NEXMIF: variants seen among roughly 807,000 people sequenced by gnomAD.
NEXMIF encodes XLMR protein related to neurite extension.
Under a neutral mutation model 62.1 loss-of-function variants are expected in NEXMIF, and 8 were observed. That is an observed-to-expected ratio of 0.13 (90% CI 0.08 to 0.23). The LOEUF (loss-of-function observed/expected upper bound fraction) is 0.23, where lower values mean the gene tolerates loss of function less well. NEXMIF is among the 10% of genes least tolerant of loss of function. The pLI, the probability that NEXMIF is intolerant of heterozygous loss-of-function variation, is 1.00. For synonymous variants in NEXMIF, 404 were observed against 416.6 expected, an observed-to-expected ratio of 0.97 and a Z score of 0.37; for missense variants, 976 against 1,113.3, an observed-to-expected ratio of 0.88 and a Z score of 1.75.
chrX:74,778,698 C>A (rs1012500928), intron 1 of NEXMIF, among the ~76,000 whole-genome samples: 1 of 111,884 alleles, frequency 8.9e-6, no homozygotes, highest in Admixed American at 9.5e-5. Context: ...TTTTGTCTCA[C>A]TTTTACCTTA....
intron 1 of NEXMIF, among the ~76,000 whole-genome samples, chrX:74,874,424 C>G (rs1157879453): frequency 9.1e-6 from 1 of 109,692 alleles, no homozygotes; most frequent in East Asian, 2.9e-4. Flanking sequence ...AGTCAGGTAG[C>G]GTGATGCCTC....
At chrX:74,870,014 T>C (rs2080594668) in intron 1 of NEXMIF, among the ~76,000 whole-genome samples, 1 of 111,453 alleles carries the variant, frequency 9.0e-6, no homozygotes, top group Non-Finnish European at 1.9e-5. Flanking sequence ...TAGCCAAAGC[T>C]ATCCTGAGCA....
intron 1 of NEXMIF, among the ~76,000 whole-genome samples, chrX:74,897,396 C>T (rs1235243383): frequency 8.9e-6 from 1 of 111,912 alleles, no homozygotes; most frequent in Non-Finnish European, 1.9e-5. Flanking sequence ...CATATTTCTC[C>T]TCTAATTTCT....
intron 1 of NEXMIF, among the ~76,000 whole-genome samples, chrX:74,817,236 A>C (rs1171534221): frequency 2.7e-5 from 3 of 111,827 alleles, no homozygotes; most frequent in Non-Finnish European, 5.6e-5. Context: ...ATTGGTCTTT[A>C]GCTACTTCAA....
chrX:74,823,626 T>C (rs1001444741), intron 1 of NEXMIF, among the ~76,000 whole-genome samples: 2 of 110,310 alleles, frequency 1.8e-5, no homozygotes, highest in African/African-American at 3.3e-5. Context: ...GGGGACACTA[T>C]GTATTTGTTC....
At chrX:74,846,088 T>C (rs1017990419) in intron 1 of NEXMIF, among the ~76,000 whole-genome samples, 1 of 112,949 alleles carries the variant, frequency 8.9e-6, no homozygotes, top group African/African-American at 3.2e-5. Context: ...CTAAAGGCTC[T>C]ACTTTGTCAG....
At chrX:74,813,751 T>C in intron 1 of NEXMIF, among the ~76,000 whole-genome samples, 1 of 112,282 alleles carries the variant, frequency 8.9e-6, no homozygotes, top group Non-Finnish European at 1.9e-5. Context: ...GTATCACCAA[T>C]ACTCAGTGGT....
intron 1 of NEXMIF, among the ~76,000 whole-genome samples, chrX:74,906,274 T>C (rs1346160160): frequency 1.0e-5 from 1 of 96,227 alleles, no homozygotes; most frequent in East Asian, 3.1e-4. Flanking sequence ...CCCCATCTCT[T>C]AAAAAAAAAA....
chrX:74,805,879 T>G (rs1033683986), intron 1 of NEXMIF, among the ~76,000 whole-genome samples: 4 of 112,104 alleles, frequency 3.6e-5, no homozygotes, highest in Non-Finnish European at 5.6e-5. Context: ...ATCAGTACCA[T>G]GCTATTTTGG....
chrX:74,907,521 T>C (rs1489636731), intron 1 of NEXMIF, among the ~76,000 whole-genome samples: 5 of 110,580 alleles, frequency 4.5e-5, no homozygotes, highest in Non-Finnish European at 9.5e-5. Flanking sequence ...CCATAGAAAC[T>C]GTTACTGTGG....
chrX:74,735,800 T>C lies in NEXMIF; in HGVS notation c.*3605A>G, dbSNP rs1258875475. The C allele has an allele frequency of 8.9e-6, 1 of 111,759 alleles. No homozygotes were observed. The highest frequency in any genetic ancestry group is 1.9e-5 in the Non-Finnish European group (1 of 53,081). The allele number at this position is 111,759 out of a possible 1,213,427, so 9.2% of individuals were successfully genotyped here. A position where few individuals can be genotyped will look rare whatever the true frequency, so the allele number is the denominator to read the frequency against. On this transcript the variant is annotated 3_prime_UTR_variant, in exon 4 of 4. Coordinates refer to ENST00000055682, the MANE Select transcript of NEXMIF (RefSeq NM_001008537.3). The stretch of plus-strand genomic sequence containing the variant: ...GGGAAAGCTGGGAGGAAGCAGCATA[T>C]GTGAAGAAGCTGGTATAAGAGACCT...
intron 1 of NEXMIF, among the ~76,000 whole-genome samples, chrX:74,831,683 A>G (rs1477890337): frequency 9.0e-6 from 1 of 111,491 alleles, no homozygotes; most frequent in East Asian, 2.8e-4. Context: ...TAGCAGCATG[A>G]TTTATAATCC....
At chrX:74,868,706 G>A (rs2080589445) in intron 1 of NEXMIF, among the ~76,000 whole-genome samples, 1 of 110,350 alleles carries the variant, frequency 9.1e-6, no homozygotes, top group Admixed American at 9.8e-5. Flanking sequence ...GTTGATAGGT[G>A]CAGCAAACCA....
rs1475720786 is a variant in NEXMIF, at chrX:74,738,976, T to A, written c.*429A>T. The A allele has an allele frequency of 8.9e-6, 1 of 112,222 alleles. No individual in the cohort carries two copies. Among genetic ancestry groups the A allele is most frequent in the African/African-American group, 3.3e-5 (1 of 30,220 alleles). The allele number at this position is 112,222 out of a possible 1,213,427, so 9.2% of individuals were successfully genotyped here. A position where few individuals can be genotyped will look rare whatever the true frequency, so the allele number is the denominator to read the frequency against. On this transcript the variant is annotated 3_prime_UTR_variant, in exon 4 of 4. Transcript: ENST00000055682. ...GAATCTGTGAGATGAGGTAAGAAAA[T>A]TTGGCACATTTCAAACAGTATCCTT...
Position 74,737,475 on chromosome X carries a change from G to A in NEXMIF, c.*1930C>T, listed in dbSNP as rs989788310. 1.8e-5 allele frequency: 2 copies of A among 111,032 alleles called. No homozygotes were observed. Among genetic ancestry groups the A allele is most frequent in the African/African-American group, 6.6e-5 (2 of 30,417 alleles). The allele number at this position is 111,032 out of a possible 1,213,427, so 9.2% of individuals were successfully genotyped here. On this transcript the variant is annotated 3_prime_UTR_variant, in exon 4 of 4. Transcript: ENST00000055682. ...AACAGAGCATTAAAGCCTAGGAATG[G>A]GCCTGTACCAGCCTCACAGAATGCT...
intron 1 of NEXMIF, among the ~76,000 whole-genome samples, chrX:74,835,271 G>A (rs1464656047): frequency 8.9e-6 from 1 of 111,956 alleles, no homozygotes; most frequent in Non-Finnish European, 1.9e-5. Context: ...TGTCTGAAAG[G>A]TCACATATCG....
In NEXMIF at chrX:74,743,281, G is replaced by C. The variant is rs1400184985; in HGVS notation, c.1276C>G (p.Gln426Glu). 1 of 1,209,718 alleles carries C rather than the reference G, an allele frequency of 8.3e-7. No individual in the cohort carries two copies. Among genetic ancestry groups the C allele is most frequent in the African/African-American group, 1.8e-5 (1 of 57,138 alleles). The change falls in exon 3 of 4, where the codon CAG (glutamine) becomes GAG (glutamate). Residue 426 changes from glutamine (Q) to glutamate (E), a missense_variant. Physicochemically the swap from Gln to Glu is conservative, Grantham distance 29. Coordinates refer to ENST00000055682, the MANE Select transcript of NEXMIF (RefSeq NM_001008537.3). Reference protein sequence around the residue: ...TEVEQLKNPKQGHLANSLETS... With the variant: ...TEVEQLKNPKEGHLANSLETS... Reference sequence around the variant, plus strand: ...TCCAGGGAATTAGCAAGATGGCCCTGCTTTGGATTCTTAAGTTGCTCTACT... The same window carrying C: ...TCCAGGGAATTAGCAAGATGGCCCTCCTTTGGATTCTTAAGTTGCTCTACT...
intron 1 of NEXMIF, among the ~76,000 whole-genome samples, chrX:74,854,140 C>T (rs1001730811): frequency 2.7e-5 from 3 of 111,815 alleles, no homozygotes; most frequent in Non-Finnish European, 5.6e-5. Flanking sequence ...AAACTACAGG[C>T]CAATATCCCT....
chrX:74,890,407 C>T (rs2080713867), intron 1 of NEXMIF, among the ~76,000 whole-genome samples: 1 of 110,684 alleles, frequency 9.0e-6, no homozygotes. Flanking sequence ...TATTTTAAGG[C>T]ACTTGGAAAT....
Sources: gnomAD v4.1 joint callset for allele counts (sites outside exome capture counted in the v4.1 genomes callset) on GRCh38, gnomAD v4.1.1 for gene constraint, MANE v1.5 for transcripts, NCBI Gene and HGNC (gene_info 2026-07-23, HGNC 2026-07-21) for gene names.